The following PDE1C variants were observed in gnomAD, a reference collection of about 807,000 sequenced individuals.
The protein encoded by PDE1C is dual specificity calcium/calmodulin-dependent 3',5'-cyclic nucleotide phosphodiesterase 1C.
In PDE1C, 62 loss-of-function variants were observed where a neutral mutation model predicts 93.1. The ratio of observed to expected loss-of-function variants is 0.67; its 90% CI spans 0.54 to 0.82. PDE1C has a LOEUF of 0.82. Among genes scored for constraint, PDE1C ranks in the 40% least tolerant of loss-of-function variants. PDE1C has a pLI of 0.00. For missense variants in PDE1C, 742 were observed against 884.6 expected (o/e 0.84, Z 2.04); for synonymous variants, 325 against 310.1 (o/e 1.05, Z -0.50).
chr7:31,668,160 C>G, the PDE1C span, among the ~76,000 whole-genome samples: 1 of 151,922 alleles, frequency 6.6e-6, no homozygotes, highest in African/African-American at 2.4e-5. Context: ...TATTATAAGT[C>G]CAAAAAGATA....
chr7:32,264,120 T>C (rs1296458449), intron 1 of PDE1C, among the ~76,000 whole-genome samples: 2 of 152,202 alleles, frequency 1.3e-5, no homozygotes, highest in Non-Finnish European at 2.9e-5. Context: ...AAAATTATGA[T>C]TGTAGAAGCT....
chr7:32,206,497 G>A (rs917005361), intron 2 of PDE1C, among the ~76,000 whole-genome samples: 2 of 152,128 alleles, frequency 1.3e-5, no homozygotes, highest in Non-Finnish European at 2.9e-5. Flanking sequence ...GACTAGAAAG[G>A]GACCCCACAG....
At chr7:31,944,156 C>A (rs1806249668) in intron 2 of PDE1C, among the ~76,000 whole-genome samples, 1 of 152,146 alleles carries the variant, frequency 6.6e-6, no homozygotes, top group African/African-American at 2.4e-5. Flanking sequence ...CCCCACTTTT[C>A]AAATCCCCAG....
chr7:31,877,515 A>G (rs1796737229), intron 5 of PDE1C, among the ~76,000 whole-genome samples: 1 of 151,936 alleles, frequency 6.6e-6, no homozygotes. Flanking sequence ...ATCAAACATT[A>G]GCTCTGTCTC....
chr7:31,938,683 C>T (rs1805412694), intron 2 of PDE1C, among the ~76,000 whole-genome samples: 1 of 151,400 alleles, frequency 6.6e-6, no homozygotes, highest in African/African-American at 2.4e-5. Flanking sequence ...CAATAATTCA[C>T]AAATTTTTGT....
chr7:32,010,060 A>G (rs1786866812), intron 2 of PDE1C, among the ~76,000 whole-genome samples: 1 of 152,244 alleles, frequency 6.6e-6, no homozygotes. Flanking sequence ...CTATGTTTAT[A>G]GGTCAGAAGA....
intron 2 of PDE1C, among the ~76,000 whole-genome samples, chr7:32,008,708 T>C (rs548426556): frequency 1.3e-5 from 2 of 152,300 alleles, no homozygotes; most frequent in East Asian, 3.9e-4. Flanking sequence ...AGTTTGTGAA[T>C]TCATACGCAC....
intron 3 of PDE1C, among the ~76,000 whole-genome samples, chr7:32,080,282 C>A (rs1179055232): frequency 6.6e-6 from 1 of 152,052 alleles, no homozygotes; most frequent in African/African-American, 2.4e-5. Context: ...CACCACTGTC[C>A]CCTGTCCCCC....
intron 2 of PDE1C, among the ~76,000 whole-genome samples, chr7:32,190,057 G>A (rs992038591): frequency 3.3e-5 from 5 of 152,170 alleles, no homozygotes; most frequent in African/African-American, 1.2e-4. Context: ...TTTGGCTTCT[G>A]ACCCAACTGG....
the PDE1C span, chr7:31,692,581 G>A: frequency 6.6e-7 from 1 of 1,508,442 alleles, no homozygotes; most frequent in African/African-American, 1.4e-5. Context: ...AGGCGTCTCA[G>A]CCATTTGGTT....
chr7:31,923,374 G>A (rs536188701), intron 2 of PDE1C, among the ~76,000 whole-genome samples: 27 of 152,204 alleles, frequency 1.8e-4, no homozygotes, highest in African/African-American at 6.3e-4. Flanking sequence ...GGTGGGAGGT[G>A]GGAGGAGGAC....
At chr7:31,839,761 G>C (rs1209612211) in intron 9 of PDE1C, among the ~76,000 whole-genome samples, 3 of 152,244 alleles carry the variant, frequency 2.0e-5, no homozygotes, top group Admixed American at 6.5e-5. Flanking sequence ...TGCCAGCCGG[G>C]CATAGTGGCT....
rs1047340715 is a variant in PDE1C, at chr7:32,046,325, T to C, written c.128+5229A>G. ...TGGGCTATCCTATTAGACTTCAGTA[T>C]GCCCATACTTTCAAGCACCACGAAT... On this transcript the variant is annotated intron_variant, in intron 2 of 17. Coordinates refer to ENST00000396191, the MANE Select transcript of PDE1C (RefSeq NM_001191057.4). 3.3e-5 allele frequency among the ~76,000 whole-genome samples: 5 copies of C among 152,190 alleles called. No homozygotes were observed. In the East Asian group the frequency reaches 9.6e-4, roughly 29 times the overall value.
At chr7:32,427,179 T>C (rs576709047) in intron 1 of PDE1C, among the ~76,000 whole-genome samples, 10 of 152,326 alleles carry the variant, frequency 6.6e-5, no homozygotes, top group Admixed American at 1.3e-4. Context: ...ATTTGCATAG[T>C]ATTTTACAGT....
intron 3 of PDE1C, among the ~76,000 whole-genome samples, chr7:32,082,090 G>A (rs1796700127): frequency 1.3e-5 from 2 of 152,396 alleles, no homozygotes; most frequent in Middle Eastern, 3.4e-3. Flanking sequence ...CAAGGGGTCA[G>A]GGAGTTCCCT....
At chr7:31,895,155 T>C (rs1799119785) in intron 2 of PDE1C, among the ~76,000 whole-genome samples, 2 of 152,160 alleles carry the variant, frequency 1.3e-5, no homozygotes. Context: ...AGAGGTCCCC[T>C]GTGCCCTGCA....
the PDE1C span, among the ~76,000 whole-genome samples, chr7:31,636,352 C>T: frequency 6.6e-6 from 1 of 152,178 alleles, no homozygotes; most frequent in Non-Finnish European, 1.5e-5. Context: ...TTCATCCATT[C>T]ATTGTAAGAG....
At chr7:32,409,993 A>T (rs1785132555) in intron 1 of PDE1C, among the ~76,000 whole-genome samples, 1 of 152,152 alleles carries the variant, frequency 6.6e-6, no homozygotes. Flanking sequence ...ATAGGAATGT[A>T]ATTATGAATA....
At chr7:32,091,832 C>T (rs2128744959) in intron 3 of PDE1C, among the ~76,000 whole-genome samples, 1 of 152,274 alleles carries the variant, frequency 6.6e-6, no homozygotes, top group South Asian at 2.1e-4. Context: ...ACTGTGGCTG[C>T]TGGGTTGAGA....
Sources: allele counts gnomAD v4.1 joint callset (sites outside exome capture counted in the v4.1 genomes callset), GRCh38; gene constraint gnomAD v4.1.1; transcripts MANE v1.5; gene names NCBI Gene and HGNC (gene_info 2026-07-23, HGNC 2026-07-21).